Variants in ANO4 observed in about 807,000 individuals in gnomAD.
ANO4 encodes the protein anoctamin 4.
ANO4 carries 69 observed loss-of-function variants against 141.9 expected under a neutral mutation model. The ratio of observed to expected loss-of-function variants is 0.49; its 90% CI spans 0.40 to 0.59. ANO4 has a LOEUF of 0.59. Among genes scored for constraint, ANO4 ranks in the 20% least tolerant of loss-of-function variants. The pLI, the probability that ANO4 is intolerant of heterozygous loss-of-function variation, is 0.00. For synonymous variants in ANO4, 350 were observed against 394.3 expected, an observed-to-expected ratio of 0.89 and a Z score of 1.33; for missense variants, 894 against 1,162.2, an observed-to-expected ratio of 0.77 and a Z score of 3.36.
Position 100,991,691 on chromosome 12 carries a change from A to G in ANO4, c.734+4021A>G, listed in dbSNP as rs549173278. On this transcript the variant is annotated intron_variant, in intron 8 of 27. Transcript: ENST00000392977. ...TTTTCCTTAACCAATATTACCACCC[A>G]TTTTAATTACTTTCTCCAAGTCTAG... Among the ~76,000 whole-genome samples the G allele has an allele frequency of 1.9e-3, 285 of 152,214 alleles. 1 individual carries two copies. The highest frequency in any genetic ancestry group is 3.4e-3 in the Middle Eastern group (1 of 294).
intron 1 of ANO4, among the ~76,000 whole-genome samples, chr12:100,803,239 G>A (rs1565887925): frequency 6.6e-6 from 1 of 152,184 alleles, no homozygotes; most frequent in Non-Finnish European, 1.5e-5. Flanking sequence ...CAGAGAAATG[G>A]TGGGATCACC....
chr12:101,051,398 G>C (rs972249715), intron 14 of ANO4, among the ~76,000 whole-genome samples: 42 of 152,126 alleles, frequency 2.8e-4, no homozygotes, highest in African/African-American at 9.7e-4. Context: ...GGCAAGACAT[G>C]CCTGGAATAA....
At chr12:101,048,023 C>T (rs910881452) in intron 13 of ANO4, 3 of 1,067,376 alleles carry the variant, frequency 2.8e-6, no homozygotes, top group Admixed American at 5.1e-5. Context: ...TAACTATATC[C>T]ATACACATAT....
At chr12:100,763,615 C>G (rs917078211) in intron 3 of ANO4, among the ~76,000 whole-genome samples, 1 of 152,226 alleles carries the variant, frequency 6.6e-6, no homozygotes, top group Non-Finnish European at 1.5e-5. Context: ...CCAGAGCCTC[C>G]TTATCTCCCC....
chr12:101,061,436 A>G (rs2048340714), intron 14 of ANO4, among the ~76,000 whole-genome samples: 1 of 151,714 alleles, frequency 6.6e-6, no homozygotes, highest in African/African-American at 2.4e-5. Context: ...CTGTCTTTGT[A>G]GGCTGGGGAA....
At chr12:100,852,507 A>T (rs1450586670) in intron 1 of ANO4, 1 of 152,174 alleles carries the variant, frequency 6.6e-6, no homozygotes, top group Non-Finnish European at 1.5e-5. Flanking sequence ...TCCAGACACC[A>T]CATTCTGCAT....
intron 2 of ANO4, among the ~76,000 whole-genome samples, chr12:100,916,485 T>A (rs2041348611): frequency 6.6e-6 from 1 of 152,126 alleles, no homozygotes; most frequent in Non-Finnish European, 1.5e-5. Context: ...GTTCTAGGTT[T>A]TATAGGAGAT....
At chr12:100,829,729 A>G (rs540800869) in intron 1 of ANO4, among the ~76,000 whole-genome samples, 5 of 152,218 alleles carry the variant, frequency 3.3e-5, no homozygotes, top group African/African-American at 9.6e-5. Flanking sequence ...TTGTAATAGC[A>G]TGGGCAAAAT....
intron 3 of ANO4, among the ~76,000 whole-genome samples, chr12:100,769,973 C>A: frequency 6.6e-6 from 1 of 152,056 alleles, no homozygotes; most frequent in Non-Finnish European, 1.5e-5. Flanking sequence ...TTAGGAGTTA[C>A]CATGTATTGA....
rs576121321 is a variant in ANO4, at chr12:100,843,448, A to G, written c.-141+48421A>G. ...ACACCTTCTGTTCCTGAGAGCTTCA[A>G]TGTCTTTTTATACAGCAGTTTAACT... On this transcript the variant is annotated intron_variant, in intron 1 of 27. Coordinates refer to ENST00000392977, the MANE Select transcript of ANO4 (RefSeq NM_001286615.2). Among the ~76,000 whole-genome samples, 7 of 152,240 alleles carry G rather than the reference A, an allele frequency of 4.6e-5. No homozygotes were observed. In the East Asian group the frequency reaches 1.2e-3, roughly 25 times the overall value.
chr12:100,915,709 A>G, intron 2 of ANO4, among the ~76,000 whole-genome samples: 1 of 152,190 alleles, frequency 6.6e-6, no homozygotes, highest in East Asian at 1.9e-4. Context: ...ATCTAACATG[A>G]TGGGCCAAAT....
chr12:100,871,129 G>C (rs2039012548), intron 1 of ANO4, among the ~76,000 whole-genome samples: 1 of 152,092 alleles, frequency 6.6e-6, no homozygotes, highest in African/African-American at 2.4e-5. Flanking sequence ...TGTGATTACT[G>C]AGTTTTCATA....
At chr12:101,033,598 A>G (rs891339218) in intron 9 of ANO4, among the ~76,000 whole-genome samples, 1 of 152,212 alleles carries the variant, frequency 6.6e-6, no homozygotes, top group Non-Finnish European at 1.5e-5. Flanking sequence ...CTTCATGACA[A>G]AAACGCCAAA....
At chr12:101,080,567 G>C (rs1233340053) in intron 15 of ANO4, among the ~76,000 whole-genome samples, 1 of 152,052 alleles carries the variant, frequency 6.6e-6, no homozygotes, top group African/African-American at 2.4e-5. Flanking sequence ...CCAGGAGGAG[G>C]ATTTGAGGAT....
chr12:101,042,222 C>T, intron 11 of ANO4, 112 bp from the exon 12 acceptor site: 1 of 1,348,440 alleles, frequency 7.4e-7, no homozygotes, highest in South Asian at 1.4e-5. Flanking sequence ...GCTTACCTTG[C>T]TTGCAGTTTA....
intron 21 of ANO4, among the ~76,000 whole-genome samples, chr12:101,099,120 G>T (rs2050095874): frequency 1.3e-5 from 2 of 152,160 alleles, no homozygotes; most frequent in African/African-American, 4.8e-5. Flanking sequence ...AGGTGTTTGT[G>T]TGCCAAGAGA....
chr12:101,069,636 G>A (rs2048729664), intron 14 of ANO4, among the ~76,000 whole-genome samples: 1 of 152,164 alleles, frequency 6.6e-6, no homozygotes, highest in South Asian at 2.1e-4. Context: ...CTTGAGGCAG[G>A]TAACAGACCT....
At chr12:101,119,829 G>A (rs1421297528) in intron 25 of ANO4, among the ~76,000 whole-genome samples, 1 of 152,160 alleles carries the variant, frequency 6.6e-6, no homozygotes, top group East Asian at 1.9e-4. Flanking sequence ...TATTATTAAA[G>A]TATTACTTTA....
At chr12:100,907,563 A>G (rs2040902919) in intron 2 of ANO4, among the ~76,000 whole-genome samples, 1 of 152,190 alleles carries the variant, frequency 6.6e-6, no homozygotes, top group Non-Finnish European at 1.5e-5. Flanking sequence ...CACTCCTAAC[A>G]TCATGCGTTG....
Sources: gnomAD v4.1 joint callset for allele counts (sites outside exome capture counted in the v4.1 genomes callset) on GRCh38, gnomAD v4.1.1 for gene constraint, MANE v1.5 for transcripts, NCBI Gene and HGNC (gene_info 2026-07-23, HGNC 2026-07-21) for gene names.